The following VGLL4 variants were observed in gnomAD, a reference collection of about 807,000 sequenced individuals.
VGLL4 encodes the protein transcription cofactor vestigial-like protein 4.
Under a neutral mutation model 21.0 loss-of-function variants are expected in VGLL4, and 7 were observed. That is an observed-to-expected ratio of 0.33 (90% CI 0.19 to 0.63). VGLL4 has a LOEUF of 0.63. Among genes scored for constraint, VGLL4 ranks in the 20% least tolerant of loss-of-function variants. The probability of loss-of-function intolerance (pLI) is 0.78; values close to 1 mark genes in which losing one functional copy is unlikely to be tolerated. For missense variants in VGLL4, 394 were observed against 425.7 expected, an observed-to-expected ratio of 0.93 and a Z score of 0.66; for synonymous variants, 222 against 173.2, an observed-to-expected ratio of 1.28 and a Z score of -2.21.
At chr3:11,642,202 T>C (rs1342827640) in intron 1 of VGLL4, among the ~76,000 whole-genome samples, 2 of 152,180 alleles carry the variant, frequency 1.3e-5, no homozygotes, top group African/African-American at 4.8e-5. Context: ...AAAATTCTCA[T>C]AGCAGGAACT....
intron 2 of VGLL4, among the ~76,000 whole-genome samples, chr3:11,684,728 T>C (rs2076420227): frequency 1.4e-5 from 1 of 70,568 alleles, no homozygotes; most frequent in Admixed American, 1.6e-4. Context: ...TTCAACCTTT[T>C]TCTGTGTGTG....
intron 3 of VGLL4, 112 bp from the exon 4 acceptor site, chr3:11,559,567 G>T: frequency 7.2e-7 from 1 of 1,381,958 alleles, no homozygotes; most frequent in South Asian, 1.6e-5. Context: ...TCCTGACCCA[G>T]TCTGCCACCT....
intron 2 of VGLL4, chr3:11,582,416 G>GTCC: frequency 6.5e-7 from 1 of 1,530,412 alleles, no homozygotes; most frequent in South Asian, 1.2e-5. Flanking sequence ...CAGAATAAAA[G>GTCC]TCCTCCCTGA....
At chr3:11,667,106 C>T (rs1440483605) in intron 2 of VGLL4, among the ~76,000 whole-genome samples, 1 of 152,242 alleles carries the variant, frequency 6.6e-6, no homozygotes, top group Non-Finnish European at 1.5e-5. Context: ...ATTTCTATCT[C>T]TGGCCTCTTT....
chr3:11,676,424 A>G (rs1242805445), intron 2 of VGLL4, among the ~76,000 whole-genome samples: 2 of 148,532 alleles, frequency 1.3e-5, no homozygotes, highest in Non-Finnish European at 3.0e-5. Context: ...AATAATAATA[A>G]TAATAATAAT....
intron 2 of VGLL4, among the ~76,000 whole-genome samples, chr3:11,664,881 A>G (rs568566357): frequency 1.3e-4 from 19 of 151,976 alleles, no homozygotes; most frequent in Admixed American, 3.3e-4. Flanking sequence ...CATGATCTTC[A>G]GCCAATTCAT....
chr3:11,702,046 T>G (rs1350244767), intron 2 of VGLL4, among the ~76,000 whole-genome samples: 1 of 152,202 alleles, frequency 6.6e-6, no homozygotes, highest in East Asian at 1.9e-4. Flanking sequence ...TTTCTCCCAG[T>G]ATTTGCTCTT....
chr3:11,634,967 T>C (rs2075559559), intron 1 of VGLL4, among the ~76,000 whole-genome samples: 1 of 152,188 alleles, frequency 6.6e-6, no homozygotes, highest in Non-Finnish European at 1.5e-5. Flanking sequence ...CAACCGCCCC[T>C]GGCCAGGACT....
chr3:11,709,242 C>T (rs2076803869), intron 1 of VGLL4, among the ~76,000 whole-genome samples: 1 of 151,528 alleles, frequency 6.6e-6, no homozygotes, highest in Non-Finnish European at 1.5e-5. Flanking sequence ...TCAAGACGAG[C>T]CTGGCCAACA....
At position 11,719,970 on chromosome 3, in the gene VGLL4, C is replaced by T. The variant is rs1385219754; in HGVS notation, c.-14+424G>A. ...CTCGCACGCCCCCGCCCCCGAGGCC[C>T]CGCCAGGGGACACAGCGCCGTGCAA... On this transcript the variant is annotated intron_variant, in intron 1 of 5. Transcript: ENST00000273038. This position sits in a 1 kb window ranked among gnomAD's most constrained non-coding sequence, Gnocchi z 4.0. Among the ~76,000 whole-genome samples the T allele has an allele frequency of 1.3e-5, 2 of 152,178 alleles. No homozygotes were observed. Among genetic ancestry groups the T allele is most frequent in the East Asian group, 3.9e-4 (2 of 5,184 alleles).
intron 1 of VGLL4, among the ~76,000 whole-genome samples, chr3:11,625,715 A>AC (rs1160362583): frequency 1.1e-5 from 1 of 90,738 alleles, no homozygotes; most frequent in East Asian, 5.1e-4. Flanking sequence ...TTCTTTAAAA[A>AC]CATTTTTTTT....
At chr3:11,609,362 C>A (rs1264353983) in intron 1 of VGLL4, among the ~76,000 whole-genome samples, 1 of 152,150 alleles carries the variant, frequency 6.6e-6, no homozygotes, top group Non-Finnish European at 1.5e-5. Flanking sequence ...AAAGCAGATT[C>A]AACAAAGCAA....
intron 2 of VGLL4, among the ~76,000 whole-genome samples, chr3:11,655,483 C>T (rs986538522): frequency 2.0e-5 from 3 of 152,196 alleles, no homozygotes; most frequent in African/African-American, 7.2e-5. Flanking sequence ...TTCCCATCTG[C>T]TTTACACAGA....
intron 1 of VGLL4, chr3:11,633,392 G>C (rs1328075324): frequency 6.6e-6 from 1 of 152,580 alleles, no homozygotes; most frequent in Admixed American, 6.5e-5. Flanking sequence ...AGGAGGGCCA[G>C]GAGCGGTGGC....
intron 2 of VGLL4, among the ~76,000 whole-genome samples, chr3:11,573,303 GAAAGGAAGGAAGGAAGAAAGAAAGAAAGA>G (rs2073895174): frequency 5.1e-4 from 12 of 23,312 alleles, no homozygotes; most frequent in South Asian, 4.6e-3. Context: ...AAGAAAGAAA[GAAAGGAAGGAAGGAAGAAAGAAAGAAAGA>G]AAGAAAGAAA....
At chr3:11,684,011 G>A (rs993759736) in intron 2 of VGLL4, among the ~76,000 whole-genome samples, 5 of 152,066 alleles carry the variant, frequency 3.3e-5, no homozygotes, top group Non-Finnish European at 7.4e-5. Context: ...AGGAGTTCGA[G>A]GCCAGCCTGG....
intron 2 of VGLL4, among the ~76,000 whole-genome samples, chr3:11,671,028 G>A (rs577043183): frequency 9.9e-5 from 15 of 152,240 alleles, no homozygotes; most frequent in East Asian, 7.7e-4. Context: ...CAGAGATTCC[G>A]TCTCAAAAAT....
chr3:11,620,741 G>C (rs1207096384), intron 1 of VGLL4, among the ~76,000 whole-genome samples: 1 of 152,096 alleles, frequency 6.6e-6, no homozygotes, highest in East Asian at 1.9e-4. Context: ...TTGCTGACCG[G>C]CTCCACCTGG....
intron 1 of VGLL4, among the ~76,000 whole-genome samples, chr3:11,623,323 TA>T (rs1210068795): frequency 6.6e-6 from 1 of 152,196 alleles, no homozygotes; most frequent in African/African-American, 2.4e-5. Context: ...TCCTTTGGTA[TA>T]TATACTCAGG....
Sources: allele counts gnomAD v4.1 joint callset (sites outside exome capture counted in the v4.1 genomes callset), GRCh38; gene constraint gnomAD v4.1.1; non-coding constraint Gnocchi (gnomAD v3.1); transcripts MANE v1.5; gene names NCBI Gene and HGNC (gene_info 2026-07-23, HGNC 2026-07-21).